Variants in EXOC2 observed in about 807,000 individuals in gnomAD.
The protein encoded by EXOC2 is exocyst complex component 2.
In EXOC2, 70 loss-of-function variants were observed where a neutral mutation model predicts 131.8. The observed-to-expected ratio is 0.53, with a 90% CI of 0.44 to 0.65. The LOEUF is 0.65. Ranked by LOEUF, EXOC2 falls within the 30% of genes least tolerant of loss-of-function variation. EXOC2 has a pLI of 0.00. For synonymous variants in EXOC2, 411 were observed against 398.4 expected, an observed-to-expected ratio of 1.03 and a Z score of -0.38; for missense variants, 923 against 1,108.6, an observed-to-expected ratio of 0.83 and a Z score of 2.38.
chr6:620,969 C>G (rs1761260288), intron 4 of EXOC2, among the ~76,000 whole-genome samples: 1 of 152,132 alleles, frequency 6.6e-6, no homozygotes, highest in African/African-American at 2.4e-5. Context: ...CCCTAAAGGG[C>G]TCTGGAGGAC....
chr6:491,418 G>A (rs1263480586), intron 25 of EXOC2, among the ~76,000 whole-genome samples: 1 of 152,210 alleles, frequency 6.6e-6, no homozygotes, highest in Non-Finnish European at 1.5e-5. Context: ...CTGTGTGAGG[G>A]CAGGGAACTA....
intron 11 of EXOC2, among the ~76,000 whole-genome samples, chr6:584,354 T>C (rs992351866): frequency 8.2e-4 from 125 of 152,250 alleles, no homozygotes; most frequent in African/African-American, 2.7e-3. Flanking sequence ...TTTTTTAAAA[T>C]AGCAAGATAT....
rs1409166990 is a variant in EXOC2, at chr6:693,109, C to T, written c.-134G>A. Reference sequence around the variant, plus strand: ...CCGCGGCCGCCAGCCGCCGGCACCTCACTTCCGCCCGCCGCGAGCGCCGAG... The same window carrying T: ...CCGCGGCCGCCAGCCGCCGGCACCTTACTTCCGCCCGCCGCGAGCGCCGAG... On this transcript the variant is annotated 5_prime_UTR_variant, in exon 1 of 28. Transcript: ENST00000230449. 2.6e-5 allele frequency: 4 copies of T among 152,398 alleles called. No individual in the cohort carries two copies. Among genetic ancestry groups the T allele is most frequent in the African/African-American group, 9.6e-5 (4 of 41,474 alleles). 9.4% of individuals were successfully genotyped at this position (152,398 alleles called of 1,614,324 possible). A position where few individuals can be genotyped will look rare whatever the true frequency, so the allele number is the denominator to read the frequency against.
intron 1 of EXOC2, among the ~76,000 whole-genome samples, chr6:678,178 T>C (rs904993307): frequency 1.3e-5 from 2 of 152,188 alleles, no homozygotes; most frequent in South Asian, 2.1e-4. Flanking sequence ...CAGCACACTT[T>C]TGCCAGACAA....
chr6:664,940 G>A (rs1185896169), intron 1 of EXOC2, among the ~76,000 whole-genome samples: 1 of 152,100 alleles, frequency 6.6e-6, no homozygotes, highest in Non-Finnish European at 1.5e-5. Flanking sequence ...AAATAGCTGG[G>A]ACCTAACTAA....
intron 9 of EXOC2, 126 bp downstream of exon 9, chr6:598,734 T>C (rs1759960983): frequency 1.4e-6 from 1 of 701,470 alleles, no homozygotes; most frequent in African/African-American, 1.8e-5. Context: ...GTAATTGCTT[T>C]ACATTGTAAA....
In EXOC2 at chr6:637,856, A is replaced by G. The variant is rs1306094326; in HGVS notation, c.-38T>C. On this transcript the variant is annotated 5_prime_UTR_variant, in exon 2 of 28. Transcript: ENST00000230449. ...AGCAAACTGGTGATCCTGTTAGAGA[A>G]GTAATCTGTTAAAAGAGAAAGAAAA... 3 of 1,579,908 alleles carry G rather than the reference A, an allele frequency of 1.9e-6. No individual in the cohort carries two copies. The highest frequency in any genetic ancestry group is 2.6e-6 in the Non-Finnish European group (3 of 1,152,696).
In EXOC2 at chr6:659,580, C is replaced by G. The variant is rs371548473; in HGVS notation, c.-43-21719G>C. Among the ~76,000 whole-genome samples the G allele has an allele frequency of 1.2e-4, 18 of 152,300 alleles. No homozygotes were observed. In the South Asian group the frequency reaches 2.5e-3, roughly 21 times the overall value. On this transcript the variant is annotated intron_variant, in intron 1 of 27. Transcript: ENST00000230449. The stretch of plus-strand genomic sequence containing the variant: ...GTGGGAAAAGGAGCCCTTCCTCTCC[C>G]GAACACACACTCCCACTGGAGAAGC...
At chr6:503,975 ATCTG>A (rs1242497700) in intron 23 of EXOC2, among the ~76,000 whole-genome samples, 2 of 152,164 alleles carry the variant, frequency 1.3e-5, no homozygotes, top group African/African-American at 4.8e-5. Flanking sequence ...GTTATCCAAA[ATCTG>A]TCTGTGGGAG....
chr6:617,876 A>G (rs769557575), intron 5 of EXOC2, 41 bp from the exon 6 acceptor site: 1 of 1,595,892 alleles, frequency 6.3e-7, no homozygotes, highest in East Asian at 2.2e-5. Context: ...CACTTCTAAC[A>G]TGCAAGAAAG....
At chr6:503,430 T>C (rs551674161) in intron 23 of EXOC2, among the ~76,000 whole-genome samples, 50 of 152,322 alleles carry the variant, frequency 3.3e-4, no homozygotes, top group African/African-American at 1.2e-3. Context: ...AAGAATTTCA[T>C]GTTGTAAAAA....
chr6:533,921 A>T (rs781658060), intron 22 of EXOC2, among the ~76,000 whole-genome samples: 9 of 152,216 alleles, frequency 5.9e-5, no homozygotes, highest in Non-Finnish European at 1.2e-4. Flanking sequence ...ATGCACAGGC[A>T]CATCCACCAA....
chr6:625,942 T>A (rs907228751), intron 4 of EXOC2, among the ~76,000 whole-genome samples: 1 of 152,168 alleles, frequency 6.6e-6, no homozygotes, highest in East Asian at 1.9e-4. Context: ...TCCTACACAT[T>A]ACCCATAAAT....
chr6:585,438 T>C (rs945989707), intron 11 of EXOC2, among the ~76,000 whole-genome samples: 1 of 152,168 alleles, frequency 6.6e-6, no homozygotes, highest in Admixed American at 6.5e-5. Flanking sequence ...TGTATATTAT[T>C]ACTACAAAAA....
rs958741678 is a variant in EXOC2, at chr6:613,349, G to A, written c.662-3171C>T. On this transcript the variant is annotated intron_variant, in intron 6 of 27. Coordinates refer to ENST00000230449, the MANE Select transcript of EXOC2 (RefSeq NM_018303.6). Reference sequence around the variant, plus strand: ...TAAGGATGAACAAAAGCTACTAATGGAATACCGGGTTGGGATGGACTGAAA... The same window carrying A: ...TAAGGATGAACAAAAGCTACTAATGAAATACCGGGTTGGGATGGACTGAAA... Among the ~76,000 whole-genome samples the A allele has an allele frequency of 3.3e-5, 5 of 152,148 alleles. 1 individual carries two copies. Among genetic ancestry groups the A allele is most frequent in the South Asian group, 2.1e-4 (1 of 4,812 alleles).
rs186157270 is a variant in EXOC2, at chr6:569,918, T to C, written c.1443+2602A>G. ...AAATATTTCATTTATATGTTTGGTA[T>C]GTAATCTGTAAGAAAGCAAAACATA... On this transcript the variant is annotated intron_variant, in intron 13 of 27. Transcript: ENST00000230449. Among the ~76,000 whole-genome samples the C allele has an allele frequency of 3.0e-3, 454 of 152,328 alleles. 3 individuals carry two copies. The highest frequency in any genetic ancestry group is 0.01 in the African/African-American group (430 of 41,570).
intron 23 of EXOC2, among the ~76,000 whole-genome samples, chr6:517,439 T>C (rs1468748888): frequency 6.6e-6 from 1 of 152,218 alleles, no homozygotes; most frequent in Non-Finnish European, 1.5e-5. Flanking sequence ...ACCTTAGTAA[T>C]GACCTTTGAG....
At chr6:660,229 G>A (rs1290330888) in intron 1 of EXOC2, among the ~76,000 whole-genome samples, 2 of 116,762 alleles carry the variant, frequency 1.7e-5, no homozygotes, top group Admixed American at 2.6e-4. Flanking sequence ...GGAAGACAAA[G>A]GACATATAAT....
chr6:642,472 G>C (rs907876081), intron 1 of EXOC2, among the ~76,000 whole-genome samples: 1 of 152,168 alleles, frequency 6.6e-6, no homozygotes, highest in Non-Finnish European at 1.5e-5. Flanking sequence ...TACTGAGTTA[G>C]TGGCTGTGTG....
Sources: gnomAD v4.1 joint callset for allele counts (sites outside exome capture counted in the v4.1 genomes callset) on GRCh38, gnomAD v4.1.1 for gene constraint, MANE v1.5 for transcripts, NCBI Gene and HGNC (gene_info 2026-07-23, HGNC 2026-07-21) for gene names.